TENM2: variants seen among roughly 807,000 people sequenced by gnomAD.
TENM2 encodes teneurin transmembrane protein 2, also known as teneurin-2.
In TENM2, 52 loss-of-function variants were observed where a neutral mutation model predicts 245.2. The observed-to-expected ratio is 0.21, with a 90% CI of 0.17 to 0.27. The LOEUF is 0.27. Ranked by LOEUF, TENM2 falls within the 10% of genes least tolerant of loss-of-function variation. The pLI is 1.00. For synonymous variants in TENM2, 1,363 were observed against 1,438.9 expected (o/e 0.95, Z 1.19); for missense variants, 3,046 against 3,666.8 (o/e 0.83, Z 4.37).
Position 167,973,028 on chromosome 5 carries a change from A to G in TENM2, c.948-19916A>G, listed in dbSNP as rs573350688. Among the ~76,000 whole-genome samples, 65 of 152,244 alleles carry G rather than the reference A, an allele frequency of 4.3e-4. 1 individual carries two copies. Among genetic ancestry groups the G allele is most frequent in the African/African-American group, 1.4e-3 (60 of 41,540 alleles). On this transcript the variant is annotated intron_variant, in intron 4 of 28. Transcript: ENST00000518659. ...TTTCCTTTCTCATTATTATTTGGCA[A>G]TGTTTGAGTTTGCCTCTTCTCCTCA...
chr5:167,140,925 TC>T, the TENM2 span, among the ~76,000 whole-genome samples: 1 of 152,192 alleles, frequency 6.6e-6, no homozygotes, highest in African/African-American at 2.4e-5. Context: ...ACCAGGTGAC[TC>T]ATAGAGGGTC....
At chr5:167,712,960 T>A (rs1250230012) in intron 2 of TENM2, among the ~76,000 whole-genome samples, 1 of 152,152 alleles carries the variant, frequency 6.6e-6, no homozygotes, top group Admixed American at 6.5e-5. Context: ...ATTGTACCTA[T>A]CAAGCCCAAG....
At chr5:167,309,734 C>G (rs1755904159) in intron 1 of TENM2, 1 of 152,096 alleles carries the variant, frequency 6.6e-6, no homozygotes, top group Admixed American at 6.6e-5. Context: ...AGAAGGTAGT[C>G]CATGCTCTCA....
intron 12 of TENM2, among the ~76,000 whole-genome samples, chr5:168,147,072 A>G (rs546405467): frequency 1.3e-5 from 2 of 152,196 alleles, no homozygotes; most frequent in African/African-American, 2.4e-5. Flanking sequence ...ACTCACTGCT[A>G]CTCCGCATAG....
chr5:167,714,764 G>T (rs1401551484), intron 2 of TENM2, among the ~76,000 whole-genome samples: 1 of 152,096 alleles, frequency 6.6e-6, no homozygotes, highest in Non-Finnish European at 1.5e-5. Context: ...CCTGTCTTTT[G>T]CTTATCACTC....
chr5:167,401,246 T>G (rs1255328319), intron 2 of TENM2, among the ~76,000 whole-genome samples: 1 of 152,134 alleles, frequency 6.6e-6, no homozygotes, highest in Non-Finnish European at 1.5e-5. Context: ...GTCTGTCCCA[T>G]GCTGTACATA....
chr5:167,690,846 TA>T (rs1757376997), intron 2 of TENM2, among the ~76,000 whole-genome samples: 1 of 151,838 alleles, frequency 6.6e-6, no homozygotes, highest in South Asian at 2.1e-4. Context: ...CACACACACA[TA>T]TATGTTTGTA....
At chr5:167,833,317 T>A (rs1208130260) in intron 2 of TENM2, among the ~76,000 whole-genome samples, 1 of 152,176 alleles carries the variant, frequency 6.6e-6, no homozygotes, top group Non-Finnish European at 1.5e-5. Context: ...AAATCCTTCA[T>A]ACAAGGAAAC....
rs531513658 is a variant in TENM2, at chr5:167,799,253, TTAAATGAA to T, written c.503-76732_503-76725del. ...CAGGGGAGGGGGTGTACTTGAGATT[TTAAATGAA>T]CAATAATGTGCATTAAACAACTTCA... On this transcript the variant is annotated intron_variant, in intron 2 of 28. Coordinates refer to ENST00000518659, the Ensembl canonical transcript of TENM2. Among the ~76,000 whole-genome samples the T allele has an allele frequency of 2.6e-4, 40 of 152,342 alleles. No homozygotes were observed. The East Asian group carries it at 5.8e-3, about 22-fold the overall frequency.
At chr5:168,159,462 G>A (rs1757545838) in intron 12 of TENM2, among the ~76,000 whole-genome samples, 1 of 152,196 alleles carries the variant, frequency 6.6e-6, no homozygotes, top group Non-Finnish European at 1.5e-5. Context: ...ATCCTCTCCA[G>A]AGAAAAGCCT....
intron 1 of TENM2, among the ~76,000 whole-genome samples, chr5:167,322,024 G>C (rs957137595): frequency 6.6e-6 from 1 of 151,616 alleles, no homozygotes; most frequent in East Asian, 1.9e-4. Flanking sequence ...TAGACACAGG[G>C]TTTCACCTTG....
At chr5:167,435,277 T>G (rs779317217) in intron 2 of TENM2, among the ~76,000 whole-genome samples, 2 of 152,176 alleles carry the variant, frequency 1.3e-5, no homozygotes, top group African/African-American at 4.8e-5. Context: ...ACTCCCACAA[T>G]TCCCACATGT....
intron 2 of TENM2, among the ~76,000 whole-genome samples, chr5:167,495,461 C>T (rs1433350330): frequency 6.6e-6 from 1 of 152,036 alleles, no homozygotes; most frequent in Non-Finnish European, 1.5e-5. Flanking sequence ...AACCTCCAGC[C>T]CAGCCATGAA....
rs189881251 is a variant in TENM2 at position 167,744,040 on chromosome 5, T to G, written c.503-131946T>G. On this transcript the variant is annotated intron_variant, in intron 2 of 28. Transcript: ENST00000518659. Reference sequence around the variant, plus strand: ...GCCTGTGCTCACACAGCTTTTGAATTTCAAGGTTAAATTCTAGAAACCAGC... The same window carrying G: ...GCCTGTGCTCACACAGCTTTTGAATGTCAAGGTTAAATTCTAGAAACCAGC... 1.3e-3 allele frequency among the ~76,000 whole-genome samples: 195 copies of G among 152,310 alleles called. 1 individual carries two copies. The highest frequency in any genetic ancestry group is 7.0e-3 in the South Asian group (34 of 4,826).
rs755432586 is a variant in TENM2, at chr5:167,876,011, G to A, written c.528G>A (p.Ser176=). 2.6e-5 allele frequency: 40 copies of A among 1,550,578 alleles called. 1 individual carries two copies. Among genetic ancestry groups the A allele is most frequent in the East Asian group, 2.4e-5 (1 of 40,876 alleles). Residue 176 remains serine (S), a synonymous_variant, in exon 3 of 29, where the codon TCG becomes TCA. Coordinates refer to ENST00000518659, the Ensembl canonical transcript of TENM2. ...GTCGTCCCATTCCACCTACATCCTC[G>A]CCTAGTCTCCTCCCATCTGCTCAGC...
intron 2 of TENM2, among the ~76,000 whole-genome samples, chr5:167,620,500 G>A (rs1778088117): frequency 7.2e-6 from 1 of 138,856 alleles, no homozygotes; most frequent in South Asian, 2.4e-4. Flanking sequence ...GGCTATTGTG[G>A]ATTTAAATAT....
chr5:168,071,006 G>T (rs1790971678), intron 7 of TENM2, among the ~76,000 whole-genome samples: 1 of 152,126 alleles, frequency 6.6e-6, no homozygotes, highest in South Asian at 2.1e-4. Context: ...GAAAGAAACT[G>T]CTGTGGAACT....
chr5:167,494,548 CTA>C (rs1345904434), intron 2 of TENM2, among the ~76,000 whole-genome samples: 1 of 151,972 alleles, frequency 6.6e-6, no homozygotes, highest in Non-Finnish European at 1.5e-5. Context: ...ATCACTGATC[CTA>C]TGTGTCCAGT....
At chr5:168,189,334 T>A (rs185751236) in intron 13 of TENM2, among the ~76,000 whole-genome samples, 13 of 152,302 alleles carry the variant, frequency 8.5e-5, no homozygotes, top group Admixed American at 8.5e-4. Flanking sequence ...TCTTAAAGGA[T>A]GAGTCAGTCC....
Sources: gnomAD v4.1 joint callset for allele counts (sites outside exome capture counted in the v4.1 genomes callset) on GRCh38, gnomAD v4.1.1 for gene constraint, MANE v1.5 for transcripts, NCBI Gene and HGNC (gene_info 2026-07-23, HGNC 2026-07-21) for gene names.